The following GRAMD1C variants were observed in gnomAD, a reference collection of about 807,000 sequenced individuals.
GRAMD1C encodes protein Aster-C.
A neutral mutation model predicts 97.8 loss-of-function variants in GRAMD1C; 89 were observed. The ratio of observed to expected loss-of-function variants is 0.91; its 90% CI spans 0.77 to 1.09. The LOEUF (loss-of-function observed/expected upper bound fraction) is 1.09, where lower values mean the gene tolerates loss of function less well. Ranked by LOEUF, GRAMD1C falls within the 50% of genes least tolerant of loss-of-function variation. The pLI, the probability that GRAMD1C is intolerant of heterozygous loss-of-function variation, is 0.00. For synonymous variants in GRAMD1C, 256 were observed against 267.0 expected (o/e 0.96, Z 0.40); for missense variants, 740 against 766.4 (o/e 0.97, Z 0.41).
chr3:113,840,052 T>C (rs1330277390), intron 1 of GRAMD1C, among the ~76,000 whole-genome samples: 1 of 152,100 alleles, frequency 6.6e-6, no homozygotes, highest in Non-Finnish European at 1.5e-5. Flanking sequence ...CTGCAAGCTC[T>C]GCCTCCCGGG....
chr3:113,938,220 T>A, intron 15 of GRAMD1C, 77 bp downstream of exon 15: 1 of 694,488 alleles, frequency 1.4e-6, no homozygotes, highest in Non-Finnish European at 2.4e-6. Flanking sequence ...AATTTGAATG[T>A]ATTTGTATAT....
intron 1 of GRAMD1C, among the ~76,000 whole-genome samples, chr3:113,832,764 C>T (rs749084253): frequency 1.1e-4 from 16 of 152,046 alleles, no homozygotes; most frequent in Non-Finnish European, 5.9e-5. Flanking sequence ...AAATAAAAAC[C>T]GAGGAAGAAA....
chr3:113,899,733 G>A lies in GRAMD1C; in HGVS notation c.541-1298G>A, dbSNP rs186548729. 4.2e-3 allele frequency among the ~76,000 whole-genome samples: 646 copies of A among 152,170 alleles called. 13 individuals are homozygous for A. Among genetic ancestry groups the A allele is most frequent in the South Asian group, 0.033 (161 of 4,818 alleles). On this transcript the variant is annotated intron_variant, in intron 6 of 17. Coordinates refer to ENST00000358160, the MANE Select transcript of GRAMD1C (RefSeq NM_017577.5). The stretch of plus-strand genomic sequence containing the variant: ...ATTTAATTTTATTTTTCAACTGGAG[G>A]CCATTATCCTAAATCATAATAATAC...
chr3:113,828,225 A>G (rs569301176), exon 1 of GRAMD1C: 4 of 152,444 alleles, frequency 2.6e-5, no homozygotes, highest in East Asian at 3.9e-4. Flanking sequence ...GAAGATGTCC[A>G]TATGGAGAGG....
At chr3:113,938,404 T>G (rs1028190277) in intron 15 of GRAMD1C, 2 of 286,580 alleles carry the variant, frequency 7.0e-6, no homozygotes, top group African/African-American at 4.4e-5. Flanking sequence ...GATTAATTTC[T>G]ATCATCATAG....
intron 2 of GRAMD1C, among the ~76,000 whole-genome samples, chr3:113,864,806 C>A (rs1462929925): frequency 6.6e-6 from 1 of 152,136 alleles, no homozygotes; most frequent in East Asian, 1.9e-4. Flanking sequence ...TCTTAATGAC[C>A]CATTTATAGC....
At chr3:113,884,689 A>G (rs528996499) in intron 6 of GRAMD1C, among the ~76,000 whole-genome samples, 68 of 151,988 alleles carry the variant, frequency 4.5e-4, no homozygotes, top group Middle Eastern at 3.4e-3. Flanking sequence ...AATACAAAAA[A>G]TTAGCTGGGC....
chr3:113,932,268 G>A (rs1559822858), intron 11 of GRAMD1C, among the ~76,000 whole-genome samples: 6 of 152,108 alleles, frequency 3.9e-5, no homozygotes, highest in African/African-American at 1.4e-4. Flanking sequence ...TAAAAAGAAC[G>A]TATTTCCATA....
Position 113,882,632 on chromosome 3 carries a change from T to C in GRAMD1C, c.460-120T>C, listed in dbSNP as rs550817026. 71 of 556,120 alleles carry C rather than the reference T, an allele frequency of 1.3e-4. 1 individual carries two copies. Among genetic ancestry groups the C allele is most frequent in the Middle Eastern group, 8.7e-4 (3 of 3,466 alleles). 34.4% of individuals were successfully genotyped at this position (556,120 alleles called of 1,614,324 possible). ...AGTTAAATAAAAATAGTATACAAAG[T>C]AGGCAGTGTTGACCTACTAGTTTGT... On this transcript the variant is annotated intron_variant, in intron 5 of 17. Coordinates refer to ENST00000358160, the MANE Select transcript of GRAMD1C (RefSeq NM_017577.5).
intron 10 of GRAMD1C, among the ~76,000 whole-genome samples, chr3:113,925,381 C>T (rs1459318256): frequency 1.3e-5 from 2 of 152,026 alleles, no homozygotes; most frequent in African/African-American, 2.4e-5. Context: ...CTCAGCTACT[C>T]GGGAGGCTGA....
chr3:113,849,553 T>C (rs1282084467), intron 2 of GRAMD1C, among the ~76,000 whole-genome samples: 1 of 151,902 alleles, frequency 6.6e-6, no homozygotes, highest in Non-Finnish European at 1.5e-5. Context: ...TGCACCGCCC[T>C]TAATCCATTC....
intron 10 of GRAMD1C, among the ~76,000 whole-genome samples, chr3:113,930,021 T>C (rs1025452906): frequency 2.6e-5 from 4 of 152,200 alleles, no homozygotes; most frequent in African/African-American, 9.6e-5. Flanking sequence ...GTTTTTGGCT[T>C]CATGAAATGA....
intron 5 of GRAMD1C, among the ~76,000 whole-genome samples, chr3:113,878,612 G>C (rs1454236021): frequency 6.6e-6 from 1 of 151,950 alleles, no homozygotes; most frequent in Non-Finnish European, 1.5e-5. Flanking sequence ...TAAATTACAG[G>C]CGTGATTTAT....
chr3:113,828,529 G>C (rs1403206194), intron 1 of GRAMD1C, among the ~76,000 whole-genome samples: 1 of 152,148 alleles, frequency 6.6e-6, no homozygotes, highest in African/African-American at 2.4e-5. Flanking sequence ...AAAAGTGATT[G>C]TCTTCTTTTT....
At chr3:113,840,498 A>T (rs1425603420) in intron 1 of GRAMD1C, among the ~76,000 whole-genome samples, 1 of 152,060 alleles carries the variant, frequency 6.6e-6, no homozygotes, top group African/African-American at 2.4e-5. Flanking sequence ...GCACTTTGGG[A>T]GGCCAAGGCA....
Position 113,830,841 on chromosome 3 carries a change from G to A in GRAMD1C, n.98+2562G>A, listed in dbSNP as rs12486186. ...TGTATGGGCATGGTGACTCATGCCC[G>A]TAATCCCAGCACTTTGGGAGGCCAA... On this transcript the variant is annotated intron_variant and non_coding_transcript_variant, in intron 1 of 18. Coordinates refer to the GRAMD1C transcript ENST00000479212. Among the ~76,000 whole-genome samples, 603 of 152,296 alleles carry A rather than the reference G, an allele frequency of 4.0e-3. 8 individuals are homozygous for A. Among genetic ancestry groups the A allele is most frequent in the South Asian group, 0.031 (149 of 4,820 alleles).
At chr3:113,922,916 T>C (rs1937110842) in intron 10 of GRAMD1C, among the ~76,000 whole-genome samples, 1 of 152,190 alleles carries the variant, frequency 6.6e-6, no homozygotes, top group African/African-American at 2.4e-5. Context: ...GCATGGAATG[T>C]TTTTCCATTT....
At chr3:113,911,346 G>T (rs987186504) in intron 9 of GRAMD1C, among the ~76,000 whole-genome samples, 1 of 150,732 alleles carries the variant, frequency 6.6e-6, no homozygotes, top group Admixed American at 6.6e-5. Context: ...AGCGATTCTT[G>T]TGCCTCACCC....
chr3:113,932,795 T>C (rs1054923513), intron 11 of GRAMD1C, among the ~76,000 whole-genome samples: 4 of 152,054 alleles, frequency 2.6e-5, no homozygotes, highest in Admixed American at 2.6e-4. Context: ...AACCTCAAAC[T>C]CCTGGGCTCA....
Sources: allele counts gnomAD v4.1 joint callset (sites outside exome capture counted in the v4.1 genomes callset), GRCh38; gene constraint gnomAD v4.1.1; transcripts MANE v1.5; gene names NCBI Gene and HGNC (gene_info 2026-07-23, HGNC 2026-07-21).